Variants in KCNK9 observed in about 807,000 individuals in gnomAD.
The protein encoded by KCNK9 is potassium channel subfamily K member 9.
KCNK9 carries 1 observed loss-of-function variant against 10.8 expected under a neutral mutation model. The observed-to-expected ratio is 0.09, with a 90% CI of 0.03 to 0.44. The LOEUF (loss-of-function observed/expected upper bound fraction) is 0.44, where lower values mean the gene tolerates loss of function less well. KCNK9 is among the 20% of genes least tolerant of loss of function. The pLI, the probability that KCNK9 is intolerant of heterozygous loss-of-function variation, is 0.97. For synonymous variants in KCNK9, 231 were observed against 222.7 expected (o/e 1.04, Z -0.33); for missense variants, 303 against 515.0 (o/e 0.59, Z 3.98).
At chr8:139,654,364 C>T (rs1815959602) in intron 1 of KCNK9, among the ~76,000 whole-genome samples, 3 of 152,186 alleles carry the variant, frequency 2.0e-5, no homozygotes, top group Admixed American at 6.5e-5. Context: ...ACGCTGGCCT[C>T]GGAGCGCGGC....
intron 1 of KCNK9, among the ~76,000 whole-genome samples, chr8:139,685,475 C>T (rs1208327866): frequency 1.3e-5 from 2 of 152,100 alleles, no homozygotes; most frequent in Non-Finnish European, 2.9e-5. Flanking sequence ...ATGTTCCCTT[C>T]CCTGTGTCCA....
downstream of KCNK9, among the ~76,000 whole-genome samples, chr8:139,614,763 G>A (rs728144): frequency 2.6e-3 from 395 of 152,312 alleles, 4 homozygotes; most frequent in African/African-American, 9.4e-3. Context: ...TTGCCCCCAG[G>A]GGTCTTAGAG....
chr8:139,651,767 T>C (rs1015491876), intron 1 of KCNK9, among the ~76,000 whole-genome samples: 1 of 152,212 alleles, frequency 6.6e-6, no homozygotes, highest in Non-Finnish European at 1.5e-5. Context: ...GGAGGAATCA[T>C]GCTATTGCTA....
intron 1 of KCNK9, among the ~76,000 whole-genome samples, chr8:139,655,534 C>T (rs1223843784): frequency 6.6e-6 from 1 of 152,128 alleles, no homozygotes; most frequent in Non-Finnish European, 1.5e-5. Flanking sequence ...GGCAGCAGCA[C>T]CATCCCAGGA....
Position 139,647,453 on chromosome 8 carries a change from G to A in KCNK9, c.284-28354C>T, listed in dbSNP as rs189671518. On this transcript the variant is annotated intron_variant, in intron 1 of 1. Transcript: ENST00000520439. ...ATTCTCATGTGGGAGGGGGCAGGGC[G>A]GGAGACAGTGCATGCCCAGCATGAT... 3.1e-3 allele frequency among the ~76,000 whole-genome samples: 471 copies of A among 152,322 alleles called. 2 individuals are homozygous for A. The highest frequency in any genetic ancestry group is 6.0e-3 in the South Asian group (29 of 4,828).
rs767838359 is a variant in KCNK9, at chr8:139,618,451, G to A, written c.932C>T (p.Ser311Leu). ...CYRSQDYGGR[S>L]VAPQNSFSAK... is the part of the protein sequence containing the mutation. ...GCTGAAGGAGTTCTGCGGTGCCACC[G>A]AGCGGCCGCCATAGTCCTGCGAGCG... The change falls in exon 2 of 2, where the codon TCG becomes TTG. Residue 311 changes from serine (S) to leucine (L), a missense_variant. Ser to Leu is a moderately radical substitution (Grantham distance 145). This residue lies in a region of KCNK9 where 138 missense variants were observed against 161.1 expected (regional missense o/e 0.86). Coordinates refer to ENST00000520439, the MANE Select transcript of KCNK9 (RefSeq NM_001282534.2). This position sits in a 1 kb window ranked among gnomAD's most constrained non-coding sequence, Gnocchi z 7.9. 5 of 1,613,940 alleles carry A rather than the reference G, an allele frequency of 3.1e-6. No individual in the cohort carries two copies. The highest frequency in any genetic ancestry group is 4.2e-6 in the Non-Finnish European group (5 of 1,179,964).
rs999391080 is a variant in KCNK9, at chr8:139,702,653, C to A, written c.283+57G>T. On this transcript the variant is annotated intron_variant, in intron 1 of 1. Coordinates refer to ENST00000520439, the MANE Select transcript of KCNK9 (RefSeq NM_001282534.2). This position sits in a 1 kb window ranked among gnomAD's most constrained non-coding sequence, Gnocchi z 7.5. Reference sequence around the variant, plus strand: ...ACCCAGCCCGGCGCGGCGCGCTCAGCCGCCTCCCCGGACTCCTCCCGGGGC... The same window carrying A: ...ACCCAGCCCGGCGCGGCGCGCTCAGACGCCTCCCCGGACTCCTCCCGGGGC... 26 of 1,526,624 alleles carry A rather than the reference C, an allele frequency of 1.7e-5. No individual in the cohort carries two copies. The Admixed American group carries it at 2.0e-4, about 12-fold the overall frequency. 94.6% of individuals were successfully genotyped at this position (1,526,624 alleles called of 1,614,324 possible).
At chr8:139,646,149 G>C (rs13439334) in intron 1 of KCNK9, among the ~76,000 whole-genome samples, 1 of 151,800 alleles carries the variant, frequency 6.6e-6, no homozygotes, top group Non-Finnish European at 1.5e-5. Flanking sequence ...GACTGAACTA[G>C]ATGTCACCTC....
At chr8:139,696,025 T>C (rs113040906) in intron 1 of KCNK9, among the ~76,000 whole-genome samples, 20 of 152,286 alleles carry the variant, frequency 1.3e-4, no homozygotes, top group Non-Finnish European at 2.2e-4. Flanking sequence ...TTCCAGTTTC[T>C]AAATGTACAT....
At chr8:139,696,750 G>A (rs940508444) in intron 1 of KCNK9, among the ~76,000 whole-genome samples, 1 of 150,028 alleles carries the variant, frequency 6.7e-6, no homozygotes, top group African/African-American at 2.5e-5. Context: ...TGGGTGGATG[G>A]ATGGATGGAT....
Position 139,676,565 on chromosome 8 carries a change from C to T in KCNK9, c.283+26145G>A, listed in dbSNP as rs550544304. On this transcript the variant is annotated intron_variant, in intron 1 of 1. Transcript: ENST00000520439. ...GCCTGCCCCTGATTCTGAGAGGAGG[C>T]ACTCCCTATGTGTAAGTCACATGCC... 6.6e-5 allele frequency among the ~76,000 whole-genome samples: 10 copies of T among 152,360 alleles called. No individual in the cohort carries two copies. The South Asian group carries it at 2.1e-3, about 32-fold the overall frequency.
intron 1 of KCNK9, among the ~76,000 whole-genome samples, chr8:139,690,355 A>G (rs958535143): frequency 2.6e-5 from 4 of 152,220 alleles, no homozygotes; most frequent in African/African-American, 9.6e-5. Flanking sequence ...CTGTAAAAAA[A>G]CAGAATCCCA....
chr8:139,650,769 G>A (rs1815838939), intron 1 of KCNK9, among the ~76,000 whole-genome samples: 1 of 152,002 alleles, frequency 6.6e-6, no homozygotes, highest in African/African-American at 2.4e-5. Flanking sequence ...CAGGTGCTCT[G>A]CCCAGTGGGG....
intron 1 of KCNK9, among the ~76,000 whole-genome samples, chr8:139,653,401 C>T (rs888632799): frequency 6.6e-6 from 1 of 152,162 alleles, no homozygotes; most frequent in Non-Finnish European, 1.5e-5. Flanking sequence ...GGAGTGCCTG[C>T]CTGATCTAGT....
At chr8:139,682,107 C>T (rs1374998705) in intron 1 of KCNK9, among the ~76,000 whole-genome samples, 2 of 152,176 alleles carry the variant, frequency 1.3e-5, no homozygotes, top group East Asian at 1.9e-4. Context: ...AGAAGCCCTC[C>T]GAATGGGACC....
chr8:139,679,989 CTG>C (rs1816650925), intron 1 of KCNK9, among the ~76,000 whole-genome samples: 1 of 152,214 alleles, frequency 6.6e-6, no homozygotes, highest in Admixed American at 6.5e-5. Flanking sequence ...TGAGTGTACT[CTG>C]TGTACCAGGC....
intron 1 of KCNK9, among the ~76,000 whole-genome samples, chr8:139,634,579 CTCTGCCCTGCTGGGATGGACTG>C (rs1815282203): frequency 6.6e-6 from 1 of 152,196 alleles, no homozygotes; most frequent in Admixed American, 6.5e-5. Flanking sequence ...GCAGGGCCAG[CTCTGCCCTGCTGGGATGGACTG>C]TCCTGCCCAG....
At chr8:139,629,063 A>T (rs1309988670) in intron 1 of KCNK9, among the ~76,000 whole-genome samples, 1 of 152,124 alleles carries the variant, frequency 6.6e-6, no homozygotes, top group Admixed American at 6.5e-5. Context: ...TTCACCTCCC[A>T]TGGGCCCCAG....
intron 1 of KCNK9, among the ~76,000 whole-genome samples, chr8:139,651,625 A>T (rs1474258944): frequency 1.3e-5 from 2 of 152,110 alleles, no homozygotes; most frequent in Non-Finnish European, 2.9e-5. Context: ...TAGCGGATGG[A>T]TGGGAGTCAA....
Sources: gnomAD v4.1 joint callset for allele counts (sites outside exome capture counted in the v4.1 genomes callset) on GRCh38, gnomAD v4.1.1 for gene constraint, gnomAD v4.1.1 regional missense constraint, Gnocchi (gnomAD v3.1) non-coding constraint, MANE v1.5 for transcripts, NCBI Gene and HGNC (gene_info 2026-07-23, HGNC 2026-07-21) for gene names.